Variants in SLC37A3 observed in about 807,000 individuals in gnomAD.
The protein encoded by SLC37A3 is sugar phosphate exchanger 3.
Under a neutral mutation model 67.1 loss-of-function variants are expected in SLC37A3, and 51 were observed. The ratio of observed to expected loss-of-function variants is 0.76; its 90% CI spans 0.61 to 0.96. The LOEUF (loss-of-function observed/expected upper bound fraction) is 0.96. Among genes scored for constraint, SLC37A3 ranks in the 40% least tolerant of loss-of-function variants. The pLI is 0.00. For missense variants in SLC37A3, 508 were observed against 603.0 expected (o/e 0.84, Z 1.65); for synonymous variants, 214 against 231.4 (o/e 0.92, Z 0.68).
At chr7:140,374,601 C>A (rs1011469318) in intron 3 of SLC37A3, among the ~76,000 whole-genome samples, 3 of 152,066 alleles carry the variant, frequency 2.0e-5, no homozygotes, top group African/African-American at 7.3e-5. Flanking sequence ...GCAGGACGAT[C>A]CCTTGAGGGC....
At chr7:140,350,893 T>C (rs1031680186) in intron 9 of SLC37A3, among the ~76,000 whole-genome samples, 2 of 146,386 alleles carry the variant, frequency 1.4e-5, no homozygotes, top group African/African-American at 5.6e-5. Context: ...CATTAAAAAT[T>C]ATCAATTTTG....
chr7:140,365,250 G>C (rs1449061468), intron 4 of SLC37A3, among the ~76,000 whole-genome samples: 4 of 152,086 alleles, frequency 2.6e-5, no homozygotes, highest in Non-Finnish European at 4.4e-5. Flanking sequence ...AAAATATCTT[G>C]ACTGAAAACC....
chr7:140,364,579 C>A, intron 4 of SLC37A3, 88 bp from the exon 5 acceptor site: 1 of 1,202,354 alleles, frequency 8.3e-7, no homozygotes, highest in Non-Finnish European at 1.2e-6. Context: ...GAGACAAACA[C>A]AGATATTATT....
At chr7:140,362,512 C>T (rs1452710858) in intron 5 of SLC37A3, among the ~76,000 whole-genome samples, 7 of 143,932 alleles carry the variant, frequency 4.9e-5, no homozygotes, top group African/African-American at 1.8e-4. Context: ...AGTGAGGACC[C>T]CTCTGCCCGG....
intron 1 of SLC37A3, among the ~76,000 whole-genome samples, chr7:140,391,353 G>A (rs1481978532): frequency 6.6e-6 from 1 of 152,194 alleles, no homozygotes; most frequent in African/African-American, 2.4e-5. Context: ...TCAGGAGCTC[G>A]AGGCTAGCCT....
At chr7:140,389,059 T>C (rs1006963148) in intron 1 of SLC37A3, among the ~76,000 whole-genome samples, 4 of 152,178 alleles carry the variant, frequency 2.6e-5, no homozygotes, top group Admixed American at 1.3e-4. Context: ...GGAAGGTCCT[T>C]GTTCATTCCT....
intron 1 of SLC37A3, among the ~76,000 whole-genome samples, chr7:140,383,271 G>A (rs572370479): frequency 1.3e-5 from 2 of 151,470 alleles, no homozygotes; most frequent in South Asian, 4.2e-4. Flanking sequence ...ATAAACAAAA[G>A]TATTTTTCAC....
chr7:140,362,403 C>T (rs1463055854), intron 5 of SLC37A3, among the ~76,000 whole-genome samples: 3 of 121,540 alleles, frequency 2.5e-5, no homozygotes, highest in South Asian at 3.2e-4. Flanking sequence ...GCAGCCGCCC[C>T]GTCCGGGAGG....
At chr7:140,387,752 T>TATAAATATATTATATATATTATATATAAC (rs1798534453) in intron 1 of SLC37A3, among the ~76,000 whole-genome samples, 1 of 90,410 alleles carries the variant, frequency 1.1e-5, no homozygotes, top group Admixed American at 2.2e-4. Context: ...ATTATATAAA[T>TATAAATATATTATATATATTATATATAAC]ATAAATATAT....
intron 13 of SLC37A3, among the ~76,000 whole-genome samples, chr7:140,339,017 A>G (rs1796251249): frequency 6.6e-6 from 1 of 152,018 alleles, no homozygotes; most frequent in South Asian, 2.1e-4. Context: ...TCAGCCTCCC[A>G]GAGTGCTGGG....
chr7:140,371,098 C>T (rs940245538), intron 3 of SLC37A3, among the ~76,000 whole-genome samples: 8 of 152,216 alleles, frequency 5.3e-5, no homozygotes, highest in East Asian at 1.9e-4. Context: ...AACCCATTCA[C>T]GACAAAGCAG....
chr7:140,369,828 T>G, intron 3 of SLC37A3, 146 bp from the exon 4 acceptor site: 1 of 655,384 alleles, frequency 1.5e-6, no homozygotes, highest in Non-Finnish European at 2.6e-6. Context: ...ATAACTAGTA[T>G]AGCCGGGCAC....
chr7:140,370,281 T>G (rs1797772241), intron 3 of SLC37A3, among the ~76,000 whole-genome samples: 1 of 152,062 alleles, frequency 6.6e-6, no homozygotes, highest in African/African-American at 2.4e-5. Context: ...TCACCTCAAA[T>G]GTGTATCATT....
intron 3 of SLC37A3, among the ~76,000 whole-genome samples, chr7:140,373,051 A>G (rs1797887230): frequency 6.6e-6 from 1 of 152,144 alleles, no homozygotes; most frequent in African/African-American, 2.4e-5. Flanking sequence ...TATCGGGTTC[A>G]AGCGATTCTC....
intron 1 of SLC37A3, among the ~76,000 whole-genome samples, chr7:140,397,905 A>G (rs1282138772): frequency 6.6e-6 from 1 of 152,250 alleles, no homozygotes; most frequent in Non-Finnish European, 1.5e-5. Context: ...GGAATGACGA[A>G]TAATTTGACC....
intron 3 of SLC37A3, among the ~76,000 whole-genome samples, chr7:140,370,068 C>T (rs1468342569): frequency 6.6e-6 from 1 of 151,950 alleles, no homozygotes; most frequent in Non-Finnish European, 1.5e-5. Context: ...AGAGATTGCA[C>T]CATTGCACTC....
At chr7:140,361,487 GCCTCTCCCTCCCCCTCCC>G (rs1563027105) in intron 5 of SLC37A3, among the ~76,000 whole-genome samples, 3 of 55,946 alleles carry the variant, frequency 5.4e-5, no homozygotes, top group African/African-American at 1.1e-4. Context: ...CGGACACACA[GCCTCTCCCTCCCCCTCCC>G]CCTCCCCCTC....
At chr7:140,380,223 A>C in intron 3 of SLC37A3, 59 bp downstream of exon 3, 1 of 1,003,174 alleles carries the variant, frequency 1.0e-6, no homozygotes, top group Non-Finnish European at 1.5e-6. Flanking sequence ...GCTTAAGAAC[A>C]ATCTAGGGGT....
intron 14 of SLC37A3, among the ~76,000 whole-genome samples, chr7:140,335,803 A>G (rs1251896575): frequency 6.6e-6 from 1 of 152,234 alleles, no homozygotes; most frequent in African/African-American, 2.4e-5. Context: ...ATAATAGATA[A>G]AAGTTTTCTT....
Sources: allele counts gnomAD v4.1 joint callset (sites outside exome capture counted in the v4.1 genomes callset), GRCh38; gene constraint gnomAD v4.1.1; transcripts MANE v1.5; gene names NCBI Gene and HGNC (gene_info 2026-07-23, HGNC 2026-07-21).